Variants in ZFHX3 observed in about 807,000 individuals in gnomAD.
ZFHX3 encodes zinc finger homeobox 3, also known as zinc finger homeobox protein 3.
ZFHX3 carries 42 observed loss-of-function variants against 279.1 expected under a neutral mutation model. That is an observed-to-expected ratio of 0.15 (90% CI 0.12 to 0.19). The LOEUF (loss-of-function observed/expected upper bound fraction) is 0.19. ZFHX3 is among the 10% of genes least tolerant of loss of function. The pLI is 1.00. For missense variants in ZFHX3, 4,981 were observed against 4,754.0 expected (o/e 1.05, Z -1.40); for synonymous variants, 2,293 against 1,957.8 (o/e 1.17, Z -4.52).
chr16:73,007,759 T>C (rs1963765605), intron 1 of ZFHX3, among the ~76,000 whole-genome samples: 1 of 152,188 alleles, frequency 6.6e-6, no homozygotes, highest in Admixed American at 6.5e-5. Context: ...AGAACTTTTT[T>C]TTTAATGCTC....
At chr16:73,891,119 C>A (rs2142425252) in intron 1 of ZFHX3, among the ~76,000 whole-genome samples, 1 of 151,672 alleles carries the variant, frequency 6.6e-6, no homozygotes, top group East Asian at 1.9e-4. Context: ...CACACCTCTG[C>A]CACTTTGACA....
At chr16:73,853,943 C>A (rs1961654323) in intron 1 of ZFHX3, among the ~76,000 whole-genome samples, 2 of 152,158 alleles carry the variant, frequency 1.3e-5, no homozygotes, top group South Asian at 2.1e-4. Context: ...TCATTCATCT[C>A]GATTCTCTAC....
At chr16:73,397,506 G>C (rs2017154493) in intron 3 of ZFHX3, among the ~76,000 whole-genome samples, 1 of 151,910 alleles carries the variant, frequency 6.6e-6, no homozygotes, top group African/African-American at 2.4e-5. Flanking sequence ...GAAAGAGATA[G>C]TATTTGATTT....
At chr16:73,275,429 G>A (rs543304867) in intron 4 of ZFHX3, among the ~76,000 whole-genome samples, 1 of 98,858 alleles carries the variant, frequency 1.0e-5, no homozygotes, top group African/African-American at 7.5e-5. Context: ...TGGGGCTCAG[G>A]GGACAAGATC....
At chr16:73,891,158 T>C (rs1188998108) in intron 1 of ZFHX3, among the ~76,000 whole-genome samples, 1 of 151,410 alleles carries the variant, frequency 6.6e-6, no homozygotes, top group Non-Finnish European at 1.5e-5. Flanking sequence ...AAGCCACACA[T>C]TAATATAAAA....
At chr16:72,817,998 T>G (rs2036662662) in intron 5 of ZFHX3, among the ~76,000 whole-genome samples, 1 of 152,244 alleles carries the variant, frequency 6.6e-6, no homozygotes, top group South Asian at 2.1e-4. Flanking sequence ...CCAGAGGTTC[T>G]CATCGCCTTA....
chr16:72,882,975 GGGGTGTGT>G (rs2038521406), intron 4 of ZFHX3, among the ~76,000 whole-genome samples: 5 of 113,430 alleles, frequency 4.4e-5, no homozygotes, highest in South Asian at 3.0e-4. Flanking sequence ...ACACCACTCT[GGGGTGTGT>G]GTGTGTGTGT....
chr16:72,872,170 T>C (rs1019670813), intron 4 of ZFHX3, among the ~76,000 whole-genome samples: 3 of 152,180 alleles, frequency 2.0e-5, no homozygotes, highest in African/African-American at 7.2e-5. Flanking sequence ...CCCAGTCCAA[T>C]TATATAATTT....
chr16:73,630,028 C>A (rs2052453435), intron 2 of ZFHX3, among the ~76,000 whole-genome samples: 1 of 152,070 alleles, frequency 6.6e-6, no homozygotes, highest in South Asian at 2.1e-4. Context: ...CCGGCCCATC[C>A]ATCATTTCTA....
At chr16:73,546,824 G>T (rs1243508045) in intron 2 of ZFHX3, among the ~76,000 whole-genome samples, 2 of 151,546 alleles carry the variant, frequency 1.3e-5, no homozygotes, top group East Asian at 1.9e-4. Flanking sequence ...CAGTTGGGGG[G>T]TGAGGGGGGA....
chr16:73,096,935 A>C (rs1236712253), intron 7 of ZFHX3, among the ~76,000 whole-genome samples: 2 of 152,156 alleles, frequency 1.3e-5, no homozygotes, highest in Non-Finnish European at 2.9e-5. Flanking sequence ...AAACACAGCC[A>C]TAAGTATGTG....
chr16:73,873,319 G>T (rs888468484), intron 1 of ZFHX3, among the ~76,000 whole-genome samples: 1 of 150,576 alleles, frequency 6.6e-6, no homozygotes, highest in Non-Finnish European at 1.5e-5. Flanking sequence ...GGGTGGTAGT[G>T]GGTGGTGGTG....
intron 5 of ZFHX3, among the ~76,000 whole-genome samples, chr16:73,183,427 T>A (rs540829482): frequency 1.2e-4 from 18 of 152,328 alleles, no homozygotes; most frequent in African/African-American, 3.8e-4. Flanking sequence ...TGGAGAATGA[T>A]CCTGGCTTGC....
At chr16:73,334,807 A>ATTTTTTTTTTTTTTTT (rs1224756669) in intron 3 of ZFHX3, among the ~76,000 whole-genome samples, 4 of 28,498 alleles carry the variant, frequency 1.4e-4, no homozygotes, top group Non-Finnish European at 2.2e-4. Context: ...TTTCTTTCTC[A>ATTTTTTTTTTTTTTTT]TTCTTTTTTT....
At chr16:72,853,365 A>G (rs2037667270) in intron 4 of ZFHX3, among the ~76,000 whole-genome samples, 1 of 152,240 alleles carries the variant, frequency 6.6e-6, no homozygotes, top group Non-Finnish European at 1.5e-5. Context: ...AGCCAAGGGA[A>G]TAACACCACA....
At chr16:73,888,273 CTCAT>C (rs1160461972) in intron 1 of ZFHX3, among the ~76,000 whole-genome samples, 12 of 152,156 alleles carry the variant, frequency 7.9e-5, no homozygotes, top group Non-Finnish European at 7.3e-5. Context: ...ATAAATTGTG[CTCAT>C]TCATTCATTA....
intron 5 of ZFHX3, among the ~76,000 whole-genome samples, chr16:73,246,638 G>C (rs1381295401): frequency 6.6e-6 from 1 of 152,110 alleles, no homozygotes; most frequent in Non-Finnish European, 1.5e-5. Flanking sequence ...AAAAAGGAGA[G>C]AGCCATGATA....
In ZFHX3 at chr16:72,796,974, G is replaced by A. The variant is rs2035929794; in HGVS notation, c.5708C>T (p.Thr1903Ile). The change falls in exon 9 of 10, where the codon ACC becomes ATC. Residue 1903 changes from threonine to isoleucine, a missense_variant. Thr to Ile is a moderately conservative substitution (Grantham distance 89). Transcript: ENST00000268489. The stretch of plus-strand genomic sequence containing the variant: ...ATCTGGCAGTGTTTCCTTCGGACCG[G>A]TGTTGCCCTCTCCCCCCTCGGCGCT... ...RDSAEGGEGN[T>I]GPKETLPDAL... The A allele has an allele frequency of 2.5e-6, 4 of 1,613,928 alleles. No individual in the cohort carries two copies. The highest frequency in any genetic ancestry group is 1.7e-5 in the Admixed American group (1 of 60,000).
intron 2 of ZFHX3, among the ~76,000 whole-genome samples, chr16:73,676,117 C>T (rs957017064): frequency 1.3e-5 from 2 of 151,858 alleles, no homozygotes; most frequent in African/African-American, 4.8e-5. Flanking sequence ...AGAATCATAT[C>T]GAGAACAGTG....
Sources: gnomAD v4.1 joint callset for allele counts (sites outside exome capture counted in the v4.1 genomes callset) on GRCh38, gnomAD v4.1.1 for gene constraint, MANE v1.5 for transcripts, NCBI Gene and HGNC (gene_info 2026-07-23, HGNC 2026-07-21) for gene names.